The following CANT1 variants were observed in gnomAD, a reference collection of about 807,000 sequenced individuals.
CANT1 encodes soluble calcium-activated nucleotidase 1.
CANT1 carries 26 observed loss-of-function variants against 30.0 expected under a neutral mutation model. The observed-to-expected ratio is 0.87, with a 90% CI of 0.64 to 1.20. The LOEUF (loss-of-function observed/expected upper bound fraction) is 1.20. Among genes scored for constraint, CANT1 ranks in the 50% most tolerant of loss-of-function variants. The pLI is 0.00. For missense variants in CANT1, 518 were observed against 563.0 expected, an observed-to-expected ratio of 0.92 and a Z score of 0.81; for synonymous variants, 246 against 251.8, an observed-to-expected ratio of 0.98 and a Z score of 0.22.
rs776640514 is a variant in CANT1, at chr17:78,997,515, G to T, written c.108C>A (p.Asp36Glu). Residue 36 changes from aspartate to glutamate, a missense_variant, in exon 3 of 5, where the codon GAC (aspartate) becomes GAA (glutamate). Transcript: ENST00000392446. This position sits in a 1 kb window ranked among gnomAD's most constrained non-coding sequence, Gnocchi z 7.5. ...PVLASMTKAADPRFRPRWKVI... is the reference protein window; with the variant it reads ...PVLASMTKAAEPRFRPRWKVI... ...CCTTCCAGCGGGGGCGGAAGCGGGG[G>T]TCCGCGGCCTTGGTCATGGACGCCA... 1.9e-6 allele frequency: 3 copies of T among 1,570,132 alleles called. No homozygotes were observed. The African/African-American group carries it at 4.1e-5, about 21-fold the overall frequency.
chr17:78,993,407 CTA>C lies in CANT1; in HGVS notation c.*141_*142del. ...GCCCGGGGGTCCAGTGCCCGCACCA[CTA>C]TGGGGCCCGGGACTGGGCTCCCTGT... On this transcript the variant is annotated 3_prime_UTR_variant, in exon 5 of 5. Coordinates refer to ENST00000392446, the MANE Select transcript of CANT1 (RefSeq NM_001159773.2). The surrounding 1 kb of genome is among the most constrained non-coding windows in gnomAD (Gnocchi z 4.5). 1.5e-6 allele frequency: 2 copies of C among 1,291,464 alleles called. No homozygotes were observed. Among genetic ancestry groups the C allele is most frequent in the Middle Eastern group, 2.6e-4 (1 of 3,876 alleles). The allele number at this position is 1,291,464 out of a possible 1,614,324, so 80.0% of individuals were successfully genotyped here. A position where few individuals can be genotyped will look rare whatever the true frequency, so the allele number is the denominator to read the frequency against.
At chr17:79,003,755 G>A (rs1475420117) in intron 1 of CANT1, among the ~76,000 whole-genome samples, 1 of 151,720 alleles carries the variant, frequency 6.6e-6, no homozygotes, top group African/African-American at 2.4e-5. Context: ...CTGCAAACCA[G>A]CTATCTCCCA....
intron 1 of CANT1, chr17:79,006,275 C>A (rs1433204617): frequency 6.6e-6 from 1 of 152,408 alleles, no homozygotes; most frequent in Non-Finnish European, 1.5e-5. Flanking sequence ...GCCCACTGCA[C>A]TTCCCCAAGG....
rs1317597959 is a variant in CANT1 at position 79,009,713 on chromosome 17, C to CTTGGCTGGGT, written c.-197_-196insACCCAGCCAA. ...CCGCGATCGGCGGGGCTTGGCTGGG[C>CTTGGCTGGGT]TTGGCTGGGCTTGGCTGGGCTAACG... On this transcript the variant is annotated 5_prime_UTR_variant, in exon 1 of 5. Coordinates refer to ENST00000392446, the MANE Select transcript of CANT1 (RefSeq NM_001159773.2). 2.6e-5 allele frequency: 4 copies of CTTGGCTGGGT among 151,218 alleles called. No homozygotes were observed. The highest frequency in any genetic ancestry group is 9.7e-5 in the African/African-American group (4 of 41,190). The allele number at this position is 151,218 out of a possible 1,614,324, so 9.4% of individuals were successfully genotyped here. A position where few individuals can be genotyped will look rare whatever the true frequency, so the allele number is the denominator to read the frequency against.
intron 1 of CANT1, among the ~76,000 whole-genome samples, chr17:79,003,879 G>C (rs1264169078): frequency 6.9e-6 from 1 of 145,758 alleles, no homozygotes; most frequent in Non-Finnish European, 1.5e-5. Flanking sequence ...GGAGGCATCT[G>C]TCCATCCCAC....
rs1319629682 is a variant in CANT1, at chr17:78,997,158, C to T, written c.465G>A (p.Glu155=). Residue 155 remains glutamate, a synonymous_variant, in exon 3 of 5, where the codon GAG becomes GAA. Transcript: ENST00000392446. This position sits in a 1 kb window ranked among gnomAD's most constrained non-coding sequence, Gnocchi z 7.5. ...CTCTCCCCTTCTCCGCCAGGTGGGACTCCAGGACCCCATGGTCTTTGTCCC... is the reference window on the plus strand; with the variant it reads ...CTCTCCCCTTCTCCGCCAGGTGGGATTCCAGGACCCCATGGTCTTTGTCCC... ...VEWDKDHGVL[E]SHLAEKGRGM... 6.2e-7 allele frequency: 1 copy of T among 1,614,158 alleles called. No homozygotes were observed. The highest frequency in any genetic ancestry group is 8.5e-7 in the Non-Finnish European group (1 of 1,180,056).
chr17:79,001,967 C>T (rs959107316), intron 1 of CANT1, among the ~76,000 whole-genome samples: 5 of 152,094 alleles, frequency 3.3e-5, no homozygotes, highest in African/African-American at 1.2e-4. Flanking sequence ...ACCCTCCTCC[C>T]TCCCCAGCCC....
rs1364453270 is a variant in CANT1, at chr17:78,998,374, C to T, written c.-146-411G>A. 2 of 152,308 alleles carry T rather than the reference C, an allele frequency of 1.3e-5. No individual in the cohort carries two copies. Among genetic ancestry groups the T allele is most frequent in the African/African-American group, 4.8e-5 (2 of 41,470 alleles). 9.4% of individuals were successfully genotyped at this position (152,308 alleles called of 1,614,324 possible). A position where few individuals can be genotyped will look rare whatever the true frequency, so the allele number is the denominator to read the frequency against. ...TGTTGTTGTTTTTGGCAGTGTCTGT[C>T]CCCTGGCGCCTTTCTATTAATGCAA... On this transcript the variant is annotated intron_variant, in intron 1 of 4. Coordinates refer to ENST00000392446, the MANE Select transcript of CANT1 (RefSeq NM_001159773.2). The surrounding 1 kb of genome is among the most constrained non-coding windows in gnomAD (Gnocchi z 4.5).
rs1349654268 is a variant in CANT1 at position 78,993,564 on chromosome 17, T to C, written c.1192A>G (p.Ile398Val). Residue 398 changes from isoleucine to valine, a missense_variant, in exon 5 of 5, where the codon ATC becomes GTC. Around this residue, in one of 3 missense-constraint regions of CANT1, gnomAD observed 221 missense variants for 211.8 expected, o/e 1.04. Transcript: ENST00000392446. The surrounding 1 kb of genome is among the most constrained non-coding windows in gnomAD (Gnocchi z 4.5). ...TCCGTTTTGAGTTAAATGAACTCGA[T>C]GCCTTCGTATTTCACGCTTCCGATC... is the stretch of plus-strand genomic sequence containing the variant. ...TKIGSVKYEG[I>V]EFI 1 of 1,614,158 alleles carries C rather than the reference T, an allele frequency of 6.2e-7. No homozygotes were observed. The highest frequency in any genetic ancestry group is 8.5e-7 in the Non-Finnish European group (1 of 1,180,060).
Position 78,996,335 on chromosome 17 carries a change from C to T in CANT1, c.631+657G>A, listed in dbSNP as rs2071033827. 6.6e-6 allele frequency among the ~76,000 whole-genome samples: 1 copy of T among 152,162 alleles called. No individual in the cohort carries two copies. The highest frequency in any genetic ancestry group is 2.4e-5 in the African/African-American group (1 of 41,442). ...ACGGAGCTCAGAGGAGCTGGCAGCT[C>T]CTCTGCCAGCGTCCTTGGCACCTCC... On this transcript the variant is annotated intron_variant, in intron 3 of 4. Transcript: ENST00000392446. This position sits in a 1 kb window ranked among gnomAD's most constrained non-coding sequence, Gnocchi z 5.1.
At chr17:78,994,758 A>C (rs2070969312) in intron 4 of CANT1, among the ~76,000 whole-genome samples, 2 of 152,186 alleles carry the variant, frequency 1.3e-5, no homozygotes, top group Non-Finnish European at 2.9e-5. Flanking sequence ...CCCTGTCTCC[A>C]CTAAAAATAC....
Position 78,995,591 on chromosome 17 carries a change from C to T in CANT1, c.632-370G>A, listed in dbSNP as rs566543507. ...CCCTCGGCCACACCTGAGGTCTCAC[C>T]GAGCATCACTCTAACTCCAGTGGCC... On this transcript the variant is annotated intron_variant, in intron 3 of 4. Transcript: ENST00000392446. The surrounding 1 kb of genome is among the most constrained non-coding windows in gnomAD (Gnocchi z 5.7). Among the ~76,000 whole-genome samples, 70 of 152,346 alleles carry T rather than the reference C, an allele frequency of 4.6e-4. No individual in the cohort carries two copies. Among genetic ancestry groups the T allele is most frequent in the Admixed American group, 2.5e-3 (38 of 15,308 alleles).
chr17:78,997,669 G>A lies in CANT1; in HGVS notation c.-22-25C>T. On this transcript the variant is annotated intron_variant, in intron 2 of 4. Coordinates refer to ENST00000392446, the MANE Select transcript of CANT1 (RefSeq NM_001159773.2). This position sits in a 1 kb window ranked among gnomAD's most constrained non-coding sequence, Gnocchi z 7.5. ...CCTGCACAGCCAGGGAGGGAGGAGAGGAGTCAGCGCCTCCGCAAGCCCAGT... is the reference window on the plus strand; with the variant it reads ...CCTGCACAGCCAGGGAGGGAGGAGAAGAGTCAGCGCCTCCGCAAGCCCAGT... 6.6e-7 allele frequency: 1 copy of A among 1,509,964 alleles called. No homozygotes were observed. Among genetic ancestry groups the A allele is most frequent in the Non-Finnish European group, 8.9e-7 (1 of 1,128,812 alleles). 93.5% of individuals were successfully genotyped at this position (1,509,964 alleles called of 1,614,324 possible). A position where few individuals can be genotyped will look rare whatever the true frequency, so the allele number is the denominator to read the frequency against.
In CANT1 at chr17:79,009,523, C is replaced by T. The variant is rs377348017; in HGVS notation, c.-147+141G>A. On this transcript the variant is annotated intron_variant, in intron 1 of 4. Coordinates refer to ENST00000392446, the MANE Select transcript of CANT1 (RefSeq NM_001159773.2). The stretch of plus-strand genomic sequence containing the variant: ...TCTGCGAGTCAGGGGGCAGAGATCC[C>T]GCACGGGTGGGACGGGAAGGGGGCC... 31 of 152,260 alleles carry T rather than the reference C, an allele frequency of 2.0e-4. No homozygotes were observed. The South Asian group carries it at 6.4e-3, about 31-fold the overall frequency. The allele number at this position is 152,260 out of a possible 1,614,324, so 9.4% of individuals were successfully genotyped here.
intron 4 of CANT1, 120 bp downstream of exon 4, chr17:78,994,898 T>C: frequency 9.4e-7 from 1 of 1,064,018 alleles, no homozygotes; most frequent in Non-Finnish European, 1.4e-6. Context: ...CTAACCGGGG[T>C]GACAGAGCAA....
chr17:78,996,867 T>C lies in CANT1; in HGVS notation c.631+125A>G. 7.5e-7 allele frequency: 1 copy of C among 1,331,150 alleles called. No individual in the cohort carries two copies. Among genetic ancestry groups the C allele is most frequent in the Non-Finnish European group, 1.1e-6 (1 of 936,372 alleles). 82.5% of individuals were successfully genotyped at this position (1,331,150 alleles called of 1,614,324 possible). A position where few individuals can be genotyped will look rare whatever the true frequency, so the allele number is the denominator to read the frequency against. ...CGCAGGTCAGAGCAAGAGGGAGACG[T>C]GCTCCCTCACCACATCCCTGGCTTC... is the stretch of plus-strand genomic sequence containing the variant. On this transcript the variant is annotated intron_variant, in intron 3 of 4. Transcript: ENST00000392446. This position sits in a 1 kb window ranked among gnomAD's most constrained non-coding sequence, Gnocchi z 5.1.
chr17:79,000,342 C>T (rs898709216), intron 1 of CANT1: 38 of 152,602 alleles, frequency 2.5e-4, no homozygotes, highest in Admixed American at 2.1e-3. Context: ...CCTCATCCTC[C>T]GTCTTCCTTC....
rs756300006 is a variant in CANT1 at position 78,993,807 on chromosome 17, C to T, written c.949G>A (p.Ala317Thr). ...YSEKDDERKG[A>T]NLLLSASPDF... ...GGGGAGGCGCTCAGCAGCAGGTTGG[C>T]GCCCTTGCGCTCGTCGTCCTTCTCG... Residue 317 changes from alanine (A) to threonine (T), a missense_variant, in exon 5 of 5, where the codon GCC (alanine) becomes ACC (threonine). Around this residue, in one of 3 missense-constraint regions of CANT1, gnomAD observed 221 missense variants for 211.8 expected, o/e 1.04. Coordinates refer to ENST00000392446, the MANE Select transcript of CANT1 (RefSeq NM_001159773.2). The surrounding 1 kb of genome is among the most constrained non-coding windows in gnomAD (Gnocchi z 4.5). 3.7e-6 allele frequency: 6 copies of T among 1,608,470 alleles called. No individual in the cohort carries two copies. The highest frequency in any genetic ancestry group is 4.2e-6 in the Non-Finnish European group (5 of 1,178,004).
chr17:78,996,953 C>A lies in CANT1; in HGVS notation c.631+39G>T. 1.2e-6 allele frequency: 2 copies of A among 1,611,448 alleles called. No homozygotes were observed. The highest frequency in any genetic ancestry group is 1.7e-6 in the Non-Finnish European group (2 of 1,179,954). On this transcript the variant is annotated intron_variant, in intron 3 of 4. Coordinates refer to ENST00000392446, the MANE Select transcript of CANT1 (RefSeq NM_001159773.2). The surrounding 1 kb of genome is among the most constrained non-coding windows in gnomAD (Gnocchi z 5.1). The stretch of plus-strand genomic sequence containing the variant: ...GCCAGCCAGGCCCTGAGCTCCCACT[C>A]CCCACCCACACCTCCATAAAACCTC...
Sources: allele counts gnomAD v4.1 joint callset (sites outside exome capture counted in the v4.1 genomes callset), GRCh38; gene constraint gnomAD v4.1.1; regional missense constraint gnomAD v4.1.1; non-coding constraint Gnocchi (gnomAD v3.1); transcripts MANE v1.5; gene names NCBI Gene and HGNC (gene_info 2026-07-23, HGNC 2026-07-21).